The following HABP2 variants were observed in gnomAD, a reference collection of about 807,000 sequenced individuals.
HABP2 encodes factor VII-activating protease.
Under a neutral mutation model 66.5 loss-of-function variants are expected in HABP2, and 65 were observed. The ratio of observed to expected loss-of-function variants is 0.98; its 90% confidence interval spans 0.80 to 1.20. The LOEUF (loss-of-function observed/expected upper bound fraction) is 1.20, where lower values mean the gene tolerates loss of function less well. Ranked by LOEUF, HABP2 falls within the 50% of genes most tolerant of loss-of-function variation. The pLI is 0.00. For synonymous variants in HABP2, 263 were observed against 253.9 expected (o/e 1.04, Z -0.34); for missense variants, 786 against 691.0 (o/e 1.14, Z -1.54).
Position 113,567,527 on chromosome 10 carries a change from TA to T in HABP2, c.106+4del. ...CTTTATTGGAAAGCCTGGACCCAGG[TA>T]AGTGTGCTGATCTCCCTGGGGCTTC... On this transcript the variant is annotated splice_donor_region_variant and intron_variant, in intron 2 of 12. Coordinates refer to ENST00000351270, the MANE Select transcript of HABP2 (RefSeq NM_004132.5). 6.2e-7 allele frequency: 1 copy of T among 1,608,174 alleles called. No individual in the cohort carries two copies. The highest frequency in any genetic ancestry group is 8.5e-7 in the Non-Finnish European group (1 of 1,174,528).
At chr10:113,583,473 G>A (rs747362897) in intron 10 of HABP2, 115 bp downstream of exon 10, 1 of 869,400 alleles carries the variant, frequency 1.2e-6, no homozygotes, top group East Asian at 2.5e-5. Flanking sequence ...GGTCCCTGTG[G>A]ACCCTGTGCG....
rs146663820 is a variant in HABP2, at chr10:113,583,033, C to T, written c.1095-183C>T. 3.8e-3 allele frequency among the ~76,000 whole-genome samples: 579 copies of T among 152,322 alleles called. 3 individuals are homozygous for T. Among genetic ancestry groups the T allele is most frequent in the African/African-American group, 0.013 (549 of 41,566 alleles). Reference sequence around the variant, plus strand: ...TAAAAGTTATAGCTTATATTTGGAGCTTGCTTCTGTTAATAAAGCACTTCC... The same window carrying T: ...TAAAAGTTATAGCTTATATTTGGAGTTTGCTTCTGTTAATAAAGCACTTCC... On this transcript the variant is annotated intron_variant, in intron 9 of 12. Coordinates refer to ENST00000351270, the MANE Select transcript of HABP2 (RefSeq NM_004132.5).
At chr10:113,580,893 A>G (rs1336520473) in intron 8 of HABP2, among the ~76,000 whole-genome samples, 1 of 152,238 alleles carries the variant, frequency 6.6e-6, no homozygotes, top group Non-Finnish European at 1.5e-5. Flanking sequence ...TTGTGGGTTT[A>G]GGTCAGGTAG....
At chr10:113,558,946 C>A (rs1845050619) in intron 1 of HABP2, among the ~76,000 whole-genome samples, 1 of 152,102 alleles carries the variant, frequency 6.6e-6, no homozygotes, top group South Asian at 2.1e-4. Flanking sequence ...CCTCTGCCTG[C>A]CAGGTTAAAG....
At chr10:113,563,348 C>T (rs898050336) in intron 1 of HABP2, among the ~76,000 whole-genome samples, 1 of 152,192 alleles carries the variant, frequency 6.6e-6, no homozygotes, top group Non-Finnish European at 1.5e-5. Flanking sequence ...TTCAGGGATC[C>T]GGATATAGGC....
chr10:113,585,686 C>A, intron 11 of HABP2, 107 bp from the exon 12 acceptor site: 2 of 828,080 alleles, frequency 2.4e-6, no homozygotes, highest in Non-Finnish European at 4.1e-6. Context: ...CCCTTCCCTT[C>A]TGAGCTAAGA....
Position 113,575,900 on chromosome 10 carries a change from C to A in HABP2, c.227C>A (p.Pro76Gln). ...GCCTTCTTCCTGTGTGTCTTAGATC[C>A]ATGCCAGCCCAACCCCTGTGAACAC... ...DWYYTEDQAD[P>Q]CQPNPCEHGG... is the part of the protein sequence containing the mutation. The change falls in exon 4 of 13, where the codon CCA becomes CAA. Residue 76 changes from proline (P) to glutamine (Q), a missense_variant. Physicochemically the swap from Pro to Gln is moderately conservative, Grantham distance 76 (BLOSUM62 -1). Transcript: ENST00000351270. 1.3e-6 allele frequency: 2 copies of A among 1,592,130 alleles called. No homozygotes were observed. The highest frequency in any genetic ancestry group is 1.7e-6 in the Non-Finnish European group (2 of 1,160,524).
At position 113,578,723 on chromosome 10, in the gene HABP2, T is replaced by A. The variant is rs533439977; in HGVS notation, c.665T>A (p.Leu222His). ...QHACLYWNSH[L>H]LLQENYNMFM... ...GCGTGCCTTTACTGGAACTCCCACC[T>A]CCTCTTGCAGGAGAATTACAACATG... Residue 222 changes from leucine (L) to histidine (H), a missense_variant, in exon 7 of 13, where the codon CTC (leucine) becomes CAC (histidine). Physicochemically the swap from Leu to His is moderately conservative, Grantham distance 99. Transcript: ENST00000351270. 64 of 1,610,694 alleles carry A rather than the reference T, an allele frequency of 4.0e-5. 1 individual carries two copies. In the East Asian group the frequency reaches 1.3e-3, roughly 34 times the overall value.
intron 1 of HABP2, 52 bp from the exon 2 acceptor site, chr10:113,567,437 C>T (rs1845219944): frequency 2.1e-6 from 3 of 1,439,706 alleles, no homozygotes; most frequent in Non-Finnish European, 2.9e-6. Flanking sequence ...AAGGAGCACG[C>T]CCGGCAGAGC....
intron 1 of HABP2, among the ~76,000 whole-genome samples, chr10:113,562,441 C>CTTTT (rs11396673): frequency 1.4e-4 from 17 of 121,654 alleles, no homozygotes; most frequent in African/African-American, 4.5e-4. Context: ...ATTGGATAAG[C>CTTTT]TTTTTTTTTT....
upstream of HABP2, among the ~76,000 whole-genome samples, chr10:113,551,899 C>T (rs893480931): frequency 6.0e-5 from 9 of 151,082 alleles, no homozygotes; most frequent in East Asian, 3.9e-4. Context: ...GTATAGGAGG[C>T]GGGGTGGGGG....
At chr10:113,565,396 T>C (rs1476106204) in intron 1 of HABP2, among the ~76,000 whole-genome samples, 1 of 152,172 alleles carries the variant, frequency 6.6e-6, no homozygotes, top group Non-Finnish European at 1.5e-5. Flanking sequence ...GGCAGCTGCT[T>C]TTGGCAAGGG....
In HABP2 at chr10:113,578,056, A is replaced by T. The variant is rs779673888; in HGVS notation, c.479A>T (p.Gln160Leu). Residue 160 changes from glutamine to leucine, a missense_variant, in exon 6 of 13, where the codon CAG becomes CTG. Coordinates refer to ENST00000351270, the MANE Select transcript of HABP2 (RefSeq NM_004132.5). ...CCTGTATGCAGGCCAAACCCCTGCC[A>T]GAATGGGGCTACCTGCTCCCGGCAT... is the stretch of plus-strand genomic sequence containing the variant. The part of the protein sequence containing the change: ...VVPVCRPNPC[Q>L]NGATCSRHKR... The T allele has an allele frequency of 1.5e-5, 25 of 1,614,078 alleles. No homozygotes were observed. Among genetic ancestry groups the T allele is most frequent in the East Asian group, 2.2e-5 (1 of 44,902 alleles).
At chr10:113,581,143 G>A (rs1188380311) in intron 8 of HABP2, among the ~76,000 whole-genome samples, 1 of 152,102 alleles carries the variant, frequency 6.6e-6, no homozygotes, top group East Asian at 1.9e-4. Flanking sequence ...CTTCCACCCT[G>A]ACCAGTGGGA....
chr10:113,566,351 C>A (rs1845197700), intron 1 of HABP2, among the ~76,000 whole-genome samples: 1 of 152,380 alleles, frequency 6.6e-6, no homozygotes, highest in African/African-American at 2.4e-5. Context: ...CTAGGCTTGG[C>A]CCAAGGGCCC....
rs1463508047 is a variant in HABP2 at position 113,575,843 on chromosome 10, G to T, written c.224-54G>T. The T allele has an allele frequency of 6.2e-5, 60 of 969,252 alleles. 1 individual carries two copies. The highest frequency in any genetic ancestry group is 6.9e-5 in the Non-Finnish European group (42 of 612,094). The allele number at this position is 969,252 out of a possible 1,614,324, so 60.0% of individuals were successfully genotyped here. A position where few individuals can be genotyped will look rare whatever the true frequency, so the allele number is the denominator to read the frequency against. On this transcript the variant is annotated intron_variant, in intron 3 of 12. Transcript: ENST00000351270. ...AATTTGATGAAAAATTTGGAGGGGG[G>T]CGCTTCTCACCTGCCTTTCCTTACC...
Position 113,584,286 on chromosome 10 carries a change from A to G in HABP2, c.1372+4A>G. On this transcript the variant is annotated splice_donor_region_variant and intron_variant, in intron 11 of 12. Coordinates refer to ENST00000351270, the MANE Select transcript of HABP2 (RefSeq NM_004132.5). Reference sequence around the variant, plus strand: ...GGCTGGGGTGTTACAGAAACAGGTGAGTCGGCCATGCACTCTCCCATGACT... The same window carrying G: ...GGCTGGGGTGTTACAGAAACAGGTGGGTCGGCCATGCACTCTCCCATGACT... 1.2e-6 allele frequency: 2 copies of G among 1,613,754 alleles called. No individual in the cohort carries two copies. Among genetic ancestry groups the G allele is most frequent in the Non-Finnish European group, 1.7e-6 (2 of 1,179,610 alleles).
Position 113,562,600 on chromosome 10 carries a change from A to G in HABP2, c.70-4889A>G, listed in dbSNP as rs571165229. 2.0e-3 allele frequency among the ~76,000 whole-genome samples: 305 copies of G among 152,166 alleles called. 1 individual carries two copies. The highest frequency in any genetic ancestry group is 7.1e-3 in the African/African-American group (296 of 41,520). On this transcript the variant is annotated intron_variant, in intron 1 of 12. Transcript: ENST00000351270. Reference sequence around the variant, plus strand: ...GCTGGGACTACAGGCTCCTGCCCTCACGCCTGGCTAATTTTTGTATTTTTA... The same window carrying G: ...GCTGGGACTACAGGCTCCTGCCCTCGCGCCTGGCTAATTTTTGTATTTTTA...
intron 8 of HABP2, 33 bp downstream of exon 8, chr10:113,580,725 G>A: frequency 8.9e-7 from 1 of 1,126,826 alleles, no homozygotes; most frequent in Non-Finnish European, 1.4e-6. Context: ...AGCCCAGGGG[G>A]TGGGGGGGAT....
Sources: allele counts gnomAD v4.1 joint callset (sites outside exome capture counted in the v4.1 genomes callset), GRCh38; gene constraint gnomAD v4.1.1; transcripts MANE v1.5; gene names NCBI Gene and HGNC (gene_info 2026-07-23, HGNC 2026-07-21).